FAR1: variants seen among roughly 807,000 people sequenced by gnomAD.
FAR1 encodes fatty acyl-CoA reductase 1, also known as male sterility domain-containing protein 2.
In FAR1, 22 loss-of-function variants were observed where a neutral mutation model predicts 61.1. That is an observed-to-expected ratio of 0.36 (90% confidence interval 0.26 to 0.51). The LOEUF (loss-of-function observed/expected upper bound fraction) is 0.51. FAR1 is among the 20% of genes least tolerant of loss of function. The pLI, the probability that FAR1 is intolerant of heterozygous loss-of-function variation, is 0.95. For synonymous variants in FAR1, 206 were observed against 209.7 expected, an observed-to-expected ratio of 0.98 and a Z score of 0.15; for missense variants, 359 against 626.9, an observed-to-expected ratio of 0.57 and a Z score of 4.56.
At chr11:13,690,611 C>T (rs140673067) in intron 1 of FAR1, among the ~76,000 whole-genome samples, 1,675 of 152,316 alleles carry the variant, frequency 0.011, 13 homozygotes, top group Non-Finnish European at 0.017. Flanking sequence ...CCATTCTCTT[C>T]TTGTCCCAAT....
intron 10 of FAR1, among the ~76,000 whole-genome samples, chr11:13,726,168 G>C (rs751528580): frequency 3.6e-4 from 55 of 151,912 alleles, no homozygotes; most frequent in Non-Finnish European, 6.2e-4. Context: ...TGGCCATAAT[G>C]CATGTTTTAA....
At position 13,731,485 on chromosome 11, in the gene FAR1, CTA is replaced by C. The variant is rs1482227886; in HGVS notation, c.*2715_*2716del. ...AAACCAAAAAGTAATAAATGAATCC[CTA>C]TATTTCCATTATAGTATTTATTGTA... On this transcript the variant is annotated 3_prime_UTR_variant, in exon 12 of 12. Coordinates refer to ENST00000354817, the MANE Select transcript of FAR1 (RefSeq NM_032228.6). 6.6e-5 allele frequency: 10 copies of C among 152,506 alleles called. No individual in the cohort carries two copies. Among genetic ancestry groups the C allele is most frequent in the Admixed American group, 6.6e-5 (1 of 15,248 alleles). The allele number at this position is 152,506 out of a possible 1,614,324, so 9.4% of individuals were successfully genotyped here.
At chr11:13,701,632 G>A (rs1164640620) in intron 3 of FAR1, among the ~76,000 whole-genome samples, 5 of 151,964 alleles carry the variant, frequency 3.3e-5, no homozygotes, top group Admixed American at 6.6e-5. Flanking sequence ...AAGTATAAAC[G>A]TCAGTCAACA....
chr11:13,714,601 C>T lies in FAR1; in HGVS notation c.1048C>T (p.His350Tyr). 1.2e-6 allele frequency: 2 copies of T among 1,613,512 alleles called. No individual in the cohort carries two copies. The highest frequency in any genetic ancestry group is 1.7e-6 in the Non-Finnish European group (2 of 1,179,640). The change falls in exon 9 of 12, where the codon CAT (histidine) becomes TAT (tyrosine). Residue 350 changes from histidine (H) to tyrosine (Y), a missense_variant. Transcript: ENST00000354817. ...VNLTSNHLLYHYWIAVSHKAP... is the reference protein window; with the variant it reads ...VNLTSNHLLYYYWIAVSHKAP... ...TCTAACCTCCAATCATCTTTTATAT[C>T]ATTACTGGATTGCTGTAAGCCATAA...
intron 3 of FAR1, among the ~76,000 whole-genome samples, chr11:13,707,131 G>A (rs1848440753): frequency 3.3e-5 from 5 of 152,034 alleles, no homozygotes; most frequent in Admixed American, 3.3e-4. Context: ...ACTTTATTGA[G>A]TCATTCCATA....
intron 3 of FAR1, among the ~76,000 whole-genome samples, chr11:13,706,471 G>C (rs1848433368): frequency 1.3e-5 from 2 of 151,846 alleles, no homozygotes; most frequent in African/African-American, 4.8e-5. Context: ...CTAATATTGA[G>C]TATTTAAATC....
At chr11:13,691,890 G>A (rs969798116) in intron 1 of FAR1, among the ~76,000 whole-genome samples, 4 of 152,106 alleles carry the variant, frequency 2.6e-5, no homozygotes, top group Non-Finnish European at 4.4e-5. Flanking sequence ...ACTTTTGACC[G>A]GGTGTGGTGG....
chr11:13,728,572 A>G, intron 11 of FAR1, 40 bp from the exon 12 acceptor site: 4 of 1,565,740 alleles, frequency 2.6e-6, no homozygotes, highest in Non-Finnish European at 3.5e-6. Context: ...ATTTTTTTCT[A>G]GAAAATACTG....
chr11:13,695,893 G>C (rs774703392), intron 2 of FAR1, among the ~76,000 whole-genome samples: 6 of 152,126 alleles, frequency 3.9e-5, no homozygotes, highest in Non-Finnish European at 8.8e-5. Context: ...ATTTTTTAAT[G>C]ATGGGATGTA....
Position 13,701,140 on chromosome 11 carries a change from A to G in FAR1, c.365+648A>G, listed in dbSNP as rs531053090. Among the ~76,000 whole-genome samples, 185 of 152,234 alleles carry G rather than the reference A, an allele frequency of 1.2e-3. 1 individual carries two copies. Among genetic ancestry groups the G allele is most frequent in the Non-Finnish European group, 1.6e-4 (11 of 67,948 alleles). Reference sequence around the variant, plus strand: ...TCTTTTTGACAGTGTGTCAAAAAATACAGTTTTTATAATGTTAATCTAATT... The same window carrying G: ...TCTTTTTGACAGTGTGTCAAAAAATGCAGTTTTTATAATGTTAATCTAATT... On this transcript the variant is annotated intron_variant, in intron 3 of 11. Coordinates refer to ENST00000354817, the MANE Select transcript of FAR1 (RefSeq NM_032228.6).
At chr11:13,682,788 T>G (rs1176143989) in intron 1 of FAR1, among the ~76,000 whole-genome samples, 6 of 151,944 alleles carry the variant, frequency 3.9e-5, no homozygotes, top group Non-Finnish European at 8.8e-5. Context: ...TTTGTATTTT[T>G]TTTTTTCAAG....
intron 9 of FAR1, among the ~76,000 whole-genome samples, chr11:13,719,089 G>A (rs149166313): frequency 2.6e-5 from 4 of 152,246 alleles, no homozygotes; most frequent in African/African-American, 9.6e-5. Flanking sequence ...TTGGTTCTAA[G>A]TTATTTTCAA....
intron 9 of FAR1, among the ~76,000 whole-genome samples, chr11:13,718,351 T>C (rs2134196873): frequency 1.3e-5 from 2 of 152,354 alleles, no homozygotes; most frequent in South Asian, 4.1e-4. Flanking sequence ...TTTTGCCCTC[T>C]TTCAGCAAAT....
intron 10 of FAR1, among the ~76,000 whole-genome samples, chr11:13,726,076 C>T (rs750220197): frequency 6.6e-6 from 1 of 151,896 alleles, no homozygotes; most frequent in East Asian, 1.9e-4. Flanking sequence ...TAAATTGATA[C>T]TTTTATCCTT....
At position 13,730,444 on chromosome 11, in the gene FAR1, A is replaced by G. The variant is rs1381788333; in HGVS notation, c.*1670A>G. ...TCTCTATATTCTTTGGAATGATACT[A>G]AAGTCTCTGGTCTAGGACCATACCT... On this transcript the variant is annotated 3_prime_UTR_variant, in exon 12 of 12. Coordinates refer to ENST00000354817, the MANE Select transcript of FAR1 (RefSeq NM_032228.6). The G allele has an allele frequency of 6.6e-6, 1 of 152,334 alleles. No homozygotes were observed. The highest frequency in any genetic ancestry group is 6.6e-5 in the Admixed American group (1 of 15,252). The allele number at this position is 152,334 out of a possible 1,614,324, so 9.4% of individuals were successfully genotyped here. A position where few individuals can be genotyped will look rare whatever the true frequency, so the allele number is the denominator to read the frequency against.
At chr11:13,685,660 A>G in intron 1 of FAR1, 1 of 182,880 alleles carries the variant, frequency 5.5e-6, no homozygotes, top group Admixed American at 5.1e-5. Context: ...AGACATGGTG[A>G]GAAGCCAAGT....
intron 4 of FAR1, among the ~76,000 whole-genome samples, chr11:13,709,329 G>A (rs1268498860): frequency 6.6e-6 from 1 of 151,922 alleles, no homozygotes; most frequent in Non-Finnish European, 1.5e-5. Flanking sequence ...TTCTTAGATG[G>A]TCCCAAATAT....
chr11:13,729,858 T>C lies in FAR1; in HGVS notation c.*1084T>C, dbSNP rs1848705075. 2 of 152,514 alleles carry C rather than the reference T, an allele frequency of 1.3e-5. No homozygotes were observed. Among genetic ancestry groups the C allele is most frequent in the East Asian group, 1.9e-4 (1 of 5,190 alleles). 9.4% of individuals were successfully genotyped at this position (152,514 alleles called of 1,614,324 possible). A position where few individuals can be genotyped will look rare whatever the true frequency, so the allele number is the denominator to read the frequency against. ...AAGAAAAATAAAATAATGCTTAAGA[T>C]AATGTGTACGAAATTAAATAAAGGA... On this transcript the variant is annotated 3_prime_UTR_variant, in exon 12 of 12. Transcript: ENST00000354817.
intron 1 of FAR1, among the ~76,000 whole-genome samples, chr11:13,693,058 G>T (rs938759295): frequency 6.6e-6 from 1 of 152,130 alleles, no homozygotes; most frequent in African/African-American, 2.4e-5. Context: ...TCCACAGATG[G>T]TATGATTGAG....
Sources: gnomAD v4.1 joint callset for allele counts (sites outside exome capture counted in the v4.1 genomes callset) on GRCh38, gnomAD v4.1.1 for gene constraint, MANE v1.5 for transcripts, NCBI Gene and HGNC (gene_info 2026-07-23, HGNC 2026-07-21) for gene names.